CCDC91: variants seen among roughly 807,000 people sequenced by gnomAD.
The protein encoded by CCDC91 is coiled-coil domain-containing protein 91.
CCDC91 carries 48 observed loss-of-function variants against 63.2 expected under a neutral mutation model. The observed-to-expected ratio is 0.76, with a 90% confidence interval of 0.60 to 0.97. The LOEUF is 0.97. Ranked by LOEUF, CCDC91 falls within the 50% of genes least tolerant of loss-of-function variation. The pLI is 0.00. For missense variants in CCDC91, 500 were observed against 494.6 expected (o/e 1.01, Z -0.10); for synonymous variants, 167 against 165.8 (o/e 1.01, Z -0.06).
chr12:28,355,498 G>A (rs555102339), intron 6 of CCDC91, among the ~76,000 whole-genome samples: 7 of 152,166 alleles, frequency 4.6e-5, no homozygotes, highest in Non-Finnish European at 1.0e-4. Flanking sequence ...CTTCTCTTAT[G>A]AAGTTCATTT....
At chr12:28,429,528 C>A (rs145304186) in intron 8 of CCDC91, among the ~76,000 whole-genome samples, 1 of 151,952 alleles carries the variant, frequency 6.6e-6, no homozygotes, top group Non-Finnish European at 1.5e-5. Flanking sequence ...ACAATACATT[C>A]GTGATGGAAA....
At chr12:28,431,795 A>T (rs1948640795) in intron 8 of CCDC91, among the ~76,000 whole-genome samples, 1 of 152,052 alleles carries the variant, frequency 6.6e-6, no homozygotes, top group African/African-American at 2.4e-5. Context: ...GTACATTCTA[A>T]GAGTTCTGAC....
chr12:28,209,215 AC>A (rs1403220938), intron 1 of CCDC91, among the ~76,000 whole-genome samples: 2 of 152,234 alleles, frequency 1.3e-5, no homozygotes, highest in Non-Finnish European at 2.9e-5. Context: ...AACCTTATAA[AC>A]AAATCAATTC....
chr12:28,274,656 G>A (rs996549801), intron 3 of CCDC91, among the ~76,000 whole-genome samples: 2 of 152,078 alleles, frequency 1.3e-5, no homozygotes, highest in African/African-American at 4.8e-5. Context: ...TGTTATTGGT[G>A]TATAAGAATG....
chr12:28,285,343 G>A (rs563655646), intron 3 of CCDC91, among the ~76,000 whole-genome samples: 1 of 152,132 alleles, frequency 6.6e-6, no homozygotes, highest in African/African-American at 2.4e-5. Flanking sequence ...ACTATATTGA[G>A]AATAAATCCA....
chr12:28,209,419 G>A (rs982781322), intron 1 of CCDC91, among the ~76,000 whole-genome samples: 2 of 151,994 alleles, frequency 1.3e-5, no homozygotes, highest in African/African-American at 2.4e-5. Context: ...CTTTAATAAC[G>A]TTAATTATTT....
chr12:28,224,395 G>A (rs1944141867), intron 1 of CCDC91, among the ~76,000 whole-genome samples: 1 of 152,058 alleles, frequency 6.6e-6, no homozygotes, highest in Non-Finnish European at 1.5e-5. Context: ...AGACTTTTAG[G>A]CTTAATTTCT....
intron 12 of CCDC91, among the ~76,000 whole-genome samples, chr12:28,531,908 A>G (rs1339495189): frequency 6.6e-6 from 1 of 152,028 alleles, no homozygotes; most frequent in Non-Finnish European, 1.5e-5. Context: ...ATGTTTTGGG[A>G]TGGTAAATAG....
chr12:28,475,195 C>T (rs537833059), intron 11 of CCDC91, among the ~76,000 whole-genome samples: 1 of 152,162 alleles, frequency 6.6e-6, no homozygotes, highest in African/African-American at 2.4e-5. Context: ...TTTTATCTGA[C>T]TTGGAAGTCA....
chr12:28,241,612 G>A (rs1383956334), intron 1 of CCDC91, among the ~76,000 whole-genome samples: 1 of 152,104 alleles, frequency 6.6e-6, no homozygotes, highest in Non-Finnish European at 1.5e-5. Context: ...TGCAAACAGT[G>A]TTACCATGAA....
chr12:28,546,615 T>C (rs1311696779), intron 12 of CCDC91, among the ~76,000 whole-genome samples: 2 of 152,116 alleles, frequency 1.3e-5, no homozygotes, highest in African/African-American at 4.8e-5. Flanking sequence ...GGATGTTCAT[T>C]ACAGCCTTAA....
Position 28,529,728 on chromosome 12 carries a change from G to C in CCDC91, c.1216-19335G>C, listed in dbSNP as rs529863067. ...GAATGAAGTTAAGAAGGCGAATCTA[G>C]TTATTAGTGGTTTGTTGAAATAAAA... On this transcript the variant is annotated intron_variant, in intron 12 of 12. Coordinates refer to ENST00000536442, the MANE Select transcript of CCDC91 (RefSeq NM_018318.5). 1.5e-3 allele frequency among the ~76,000 whole-genome samples: 230 copies of C among 152,318 alleles called. 2 individuals are homozygous for C. Among genetic ancestry groups the C allele is most frequent in the South Asian group, 6.4e-3 (31 of 4,828 alleles).
At chr12:28,500,051 A>G (rs898271902) in intron 12 of CCDC91, among the ~76,000 whole-genome samples, 19 of 151,990 alleles carry the variant, frequency 1.3e-4, no homozygotes, top group African/African-American at 3.9e-4. Context: ...CTGGCATGAG[A>G]TGGTATCTCA....
chr12:28,417,158 A>C (rs1414142902), intron 8 of CCDC91, among the ~76,000 whole-genome samples: 1 of 152,150 alleles, frequency 6.6e-6, no homozygotes, highest in African/African-American at 2.4e-5. Context: ...AGTTCTTTAC[A>C]TTCAAAATGT....
intron 3 of CCDC91, among the ~76,000 whole-genome samples, chr12:28,291,606 C>T (rs76361018): frequency 6.0e-4 from 91 of 152,262 alleles, no homozygotes; most frequent in East Asian, 3.5e-3. Flanking sequence ...AGCTTCTTTG[C>T]GGTCTACCTA....
intron 8 of CCDC91, among the ~76,000 whole-genome samples, chr12:28,428,971 A>G (rs529396884): frequency 1.5e-3 from 226 of 152,180 alleles, no homozygotes; most frequent in African/African-American, 5.4e-3. Context: ...CATGTTATAC[A>G]TGCTTCTGAC....
chr12:28,538,278 C>T (rs1417001108), intron 12 of CCDC91, among the ~76,000 whole-genome samples: 1 of 124,540 alleles, frequency 8.0e-6, no homozygotes. Flanking sequence ...CACAACAGGC[C>T]CCGGTGTGTG....
chr12:28,514,938 A>T (rs1339831544), intron 12 of CCDC91, among the ~76,000 whole-genome samples: 1 of 151,840 alleles, frequency 6.6e-6, no homozygotes, highest in African/African-American at 2.4e-5. Context: ...TACCTGGGTG[A>T]TGAAATACTC....
At chr12:28,268,168 C>A (rs950641168) in intron 3 of CCDC91, among the ~76,000 whole-genome samples, 1 of 150,784 alleles carries the variant, frequency 6.6e-6, no homozygotes, top group Non-Finnish European at 1.5e-5. Flanking sequence ...GGTTCAAGAG[C>A]TTTTCCTGCC....
Sources: gnomAD v4.1 joint callset for allele counts (sites outside exome capture counted in the v4.1 genomes callset) on GRCh38, gnomAD v4.1.1 for gene constraint, MANE v1.5 for transcripts, NCBI Gene and HGNC (gene_info 2026-07-23, HGNC 2026-07-21) for gene names.